ODF2: variants seen among roughly 807,000 people sequenced by gnomAD.
ODF2 encodes outer dense fiber of sperm tails 2.
ODF2 carries 47 observed loss-of-function variants against 110.2 expected under a neutral mutation model. The ratio of observed to expected loss-of-function variants is 0.43; its 90% CI spans 0.34 to 0.54. ODF2 has a LOEUF of 0.54. Ranked by LOEUF, ODF2 falls within the 20% of genes least tolerant of loss-of-function variation. The pLI is 0.03. For synonymous variants in ODF2, 352 were observed against 397.7 expected, an observed-to-expected ratio of 0.89 and a Z score of 1.37; for missense variants, 812 against 1,054.5, an observed-to-expected ratio of 0.77 and a Z score of 3.19.
upstream of ODF2, chr9:128,455,201 C>A (rs1168617693): frequency 6.5e-7 from 1 of 1,535,248 alleles, no homozygotes; most frequent in East Asian, 2.4e-5. Flanking sequence ...GAGAAGATGG[C>A]GGACCAGCAA....
intron 4 of ODF2, among the ~76,000 whole-genome samples, chr9:128,468,242 T>C (rs957242677): frequency 1.3e-5 from 2 of 152,230 alleles, no homozygotes; most frequent in African/African-American, 2.4e-5. Context: ...CTATTCATAT[T>C]CATTTAAAAG....
rs1051053141 is a variant in ODF2, at chr9:128,471,170, T to G, written c.421-138T>G. 3 of 805,764 alleles carry G rather than the reference T, an allele frequency of 3.7e-6. No individual in the cohort carries two copies. In the African/African-American group the frequency reaches 5.4e-5, roughly 15 times the overall value. 49.9% of individuals were successfully genotyped at this position (805,764 alleles called of 1,614,324 possible). A position where few individuals can be genotyped will look rare whatever the true frequency, so the allele number is the denominator to read the frequency against. On this transcript the variant is annotated intron_variant, in intron 5 of 20. Transcript: ENST00000604420. Reference sequence around the variant, plus strand: ...CAAAAGTGACCTACCCACCTTGGCCTCCCAAAGTGCTGGGATTACAGGCGT... The same window carrying G: ...CAAAAGTGACCTACCCACCTTGGCCGCCCAAAGTGCTGGGATTACAGGCGT...
At chr9:128,484,520 G>A (rs1019605811) in intron 11 of ODF2, among the ~76,000 whole-genome samples, 181 bp from the exon 12 acceptor site, 2 of 152,172 alleles carry the variant, frequency 1.3e-5, no homozygotes, top group Non-Finnish European at 2.9e-5. Context: ...GGAGCTGGGA[G>A]GGACTGTGTC....
chr9:128,470,859 C>A (rs551184383), intron 5 of ODF2, among the ~76,000 whole-genome samples: 2 of 152,076 alleles, frequency 1.3e-5, no homozygotes, highest in African/African-American at 4.8e-5. Flanking sequence ...CCCATAAGGC[C>A]CTGGCATGCA....
upstream of ODF2, chr9:128,456,020 A>G: frequency 1.4e-6 from 2 of 1,429,638 alleles, no homozygotes; most frequent in Non-Finnish European, 1.8e-6. Flanking sequence ...GGGGCGGGGC[A>G]TCTCTGTGAC....
intron 8 of ODF2, among the ~76,000 whole-genome samples, chr9:128,474,981 G>T (rs1840946866): frequency 1.3e-5 from 2 of 152,028 alleles, no homozygotes; most frequent in South Asian, 4.2e-4. Flanking sequence ...AAAAAAAGTT[G>T]TCTGAACTTT....
At chr9:128,456,679 A>AT (rs1428599742) in intron 1 of ODF2, 2 of 1,420,564 alleles carry the variant, frequency 1.4e-6, no homozygotes, top group Non-Finnish European at 1.8e-6. Context: ...GGGCCTCCAC[A>AT]TGGCAGTCAC....
rs544464544 is a variant in ODF2, at chr9:128,476,101, G to A, written c.843+2360G>A. On this transcript the variant is annotated intron_variant, in intron 8 of 20. Transcript: ENST00000604420. ...GTATTCCATTGTGTATCTCTACTGC[G>A]TTTTCTTCATTCATCTGTTGATGGA... Among the ~76,000 whole-genome samples, 14 of 151,964 alleles carry A rather than the reference G, an allele frequency of 9.2e-5. No individual in the cohort carries two copies. The East Asian group carries it at 2.7e-3, about 29-fold the overall frequency.
Position 128,496,110 on chromosome 9 carries a change from C to T in ODF2, c.1981C>T (p.Gln661Ter). Residue 661 changes from glutamine to a stop codon, truncating the protein, a stop_gained, in exon 18 of 21, where the codon CAG (glutamine) becomes TAG (stop). Transcript: ENST00000604420. LOFTEE classifies it high-confidence loss of function. ...TCAGGCTTCCCAGAAGGAAAATAAA[C>T]AGCTGAGTCTGAAGGTGGATGAACT... The T allele has an allele frequency of 1.9e-6, 3 of 1,613,926 alleles. No homozygotes were observed. Among genetic ancestry groups the T allele is most frequent in the East Asian group, 2.2e-5 (1 of 44,842 alleles).
exon 5 of ODF2, chr9:128,469,210 C>A (rs912221714): frequency 5.6e-6 from 9 of 1,613,986 alleles, no homozygotes; most frequent in Non-Finnish European, 7.6e-6. Flanking sequence ...GGAGATCACG[C>A]CACCATCTTC....
chr9:128,470,001 AAAAAAAAAAAAAAAAAAATATATAT>A (rs1252036844), intron 5 of ODF2, among the ~76,000 whole-genome samples: 1 of 49,858 alleles, frequency 2.0e-5, no homozygotes, highest in African/African-American at 8.0e-5. Flanking sequence ...AAAAAAAAAA[AAAAAAAAAAAAAAAAAAATATATAT>A]ATATATATAT....
intron 7 of ODF2, 88 bp downstream of exon 7, chr9:128,473,130 G>C: frequency 6.3e-7 from 1 of 1,579,016 alleles, no homozygotes; most frequent in East Asian, 2.3e-5. Flanking sequence ...CGCGTCATCA[G>C]GCAGACTTTA....
chr9:128,460,441 T>G, intron 3 of ODF2, 109 bp from the exon 3 acceptor site: 1 of 1,528,450 alleles, frequency 6.5e-7, no homozygotes, highest in South Asian at 1.3e-5. Context: ...CCTGCTCGCT[T>G]GGTGGCTAGG....
At position 128,494,420 on chromosome 9, in the gene ODF2, C is replaced by A; in HGVS notation, c.1753-90C>A. ...GGGGACTGTGTCAGCCCTGCCCTAA[C>A]TCTAAAGGACTCTGCCTGGCTCCAC... On this transcript the variant is annotated intron_variant, in intron 16 of 20. Transcript: ENST00000604420. This position sits in a 1 kb window ranked among gnomAD's most constrained non-coding sequence, Gnocchi z 4.6. 5.7e-6 allele frequency: 7 copies of A among 1,218,622 alleles called. No individual in the cohort carries two copies. Among genetic ancestry groups the A allele is most frequent in the Admixed American group, 2.0e-5 (1 of 49,698 alleles). The allele number at this position is 1,218,622 out of a possible 1,614,324, so 75.5% of individuals were successfully genotyped here. A position where few individuals can be genotyped will look rare whatever the true frequency, so the allele number is the denominator to read the frequency against.
intron 1 of ODF2, chr9:128,456,477 C>G (rs1834809885): frequency 1.3e-6 from 2 of 1,523,494 alleles, no homozygotes; most frequent in East Asian, 2.6e-5. Flanking sequence ...CGCCTCCTTC[C>G]TCTCTTGGCT....
At chr9:128,488,814 G>A (rs1452777233) in intron 14 of ODF2, among the ~76,000 whole-genome samples, 1 of 152,062 alleles carries the variant, frequency 6.6e-6, no homozygotes, top group Non-Finnish European at 1.5e-5. Context: ...GACCAGCCTG[G>A]CCAACATAGC....
chr9:128,478,961 G>A (rs1311999582), intron 8 of ODF2, among the ~76,000 whole-genome samples: 1 of 152,148 alleles, frequency 6.6e-6, no homozygotes, highest in African/African-American at 2.4e-5. Context: ...TAGTGATAGT[G>A]CATGGCTCTT....
In ODF2 at chr9:128,473,597, A is replaced by G. The variant is rs1159142529; in HGVS notation, c.712-13A>G. On this transcript the variant is annotated splice_polypyrimidine_tract_variant and intron_variant, in intron 7 of 20. Transcript: ENST00000604420. Reference sequence around the variant, plus strand: ...TCCCCCTGCATCTGTAAGACTGGCTACTTGTCTTCCAGGAGAAACAAATGA... The same window carrying G: ...TCCCCCTGCATCTGTAAGACTGGCTGCTTGTCTTCCAGGAGAAACAAATGA... The G allele has an allele frequency of 8.1e-6, 13 of 1,612,606 alleles. No individual in the cohort carries two copies. Among genetic ancestry groups the G allele is most frequent in the South Asian group, 1.1e-5 (1 of 90,988 alleles).
At chr9:128,495,888 C>G (rs1845485543) in intron 17 of ODF2, among the ~76,000 whole-genome samples, 153 bp from the exon 18 acceptor site, 1 of 152,134 alleles carries the variant, frequency 6.6e-6, no homozygotes, top group African/African-American at 2.4e-5. Context: ...CCTGTCCCTG[C>G]TGTCCTTTCT....
Sources: allele counts gnomAD v4.1 joint callset (sites outside exome capture counted in the v4.1 genomes callset), GRCh38; gene constraint gnomAD v4.1.1; non-coding constraint Gnocchi (gnomAD v3.1); transcripts MANE v1.5; gene names NCBI Gene and HGNC (gene_info 2026-07-23, HGNC 2026-07-21).